SLC44A2: variants seen among roughly 807,000 people sequenced by gnomAD.
SLC44A2 encodes the protein choline transporter-like protein 2.
SLC44A2 carries 57 observed loss-of-function variants against 90.8 expected under a neutral mutation model. That is an observed-to-expected ratio of 0.63 (90% CI 0.51 to 0.78). The LOEUF (loss-of-function observed/expected upper bound fraction) is 0.78, where lower values mean the gene tolerates loss of function less well. Ranked by LOEUF, SLC44A2 falls within the 30% of genes least tolerant of loss-of-function variation. The probability of loss-of-function intolerance (pLI) is 0.00; values close to 1 mark genes in which losing one functional copy is unlikely to be tolerated. For missense variants in SLC44A2, 794 were observed against 919.7 expected (o/e 0.86, Z 1.77); for synonymous variants, 355 against 360.7 (o/e 0.98, Z 0.18).
intron 2 of SLC44A2, 27 bp from the exon 3 acceptor site, chr19:10,627,695 T>C (rs2066948372): frequency 1.9e-6 from 3 of 1,611,842 alleles, no homozygotes; most frequent in Non-Finnish European, 1.7e-6. Context: ...CCAAGCCTCC[T>C]CCAAACACTG....
At chr19:10,613,187 A>G (rs1364494885) in intron 1 of SLC44A2, among the ~76,000 whole-genome samples, 1 of 151,898 alleles carries the variant, frequency 6.6e-6, no homozygotes, top group Non-Finnish European at 1.5e-5. Flanking sequence ...CCTCCTGAGT[A>G]GCTGGGACCA....
rs894534178 is a variant in SLC44A2, at chr19:10,625,560, C to A, written c.-74C>A. 7 of 1,232,924 alleles carry A rather than the reference C, an allele frequency of 5.7e-6. No homozygotes were observed. The African/African-American group carries it at 9.3e-5, about 16-fold the overall frequency. 76.4% of individuals were successfully genotyped at this position (1,232,924 alleles called of 1,614,324 possible). A position where few individuals can be genotyped will look rare whatever the true frequency, so the allele number is the denominator to read the frequency against. On this transcript the variant is annotated 5_prime_UTR_variant, in exon 1 of 22. Transcript: ENST00000335757. Reference sequence around the variant, plus strand: ...GCCGCCAGTCGCGCGGTCAGTGCCTCCCTCCAGACTCGGGAGGGTCGAGGG... The same window carrying A: ...GCCGCCAGTCGCGCGGTCAGTGCCTACCTCCAGACTCGGGAGGGTCGAGGG...
rs777952556 is a variant in SLC44A2, at chr19:10,631,681, C to T, written c.558C>T (p.Gly186=). ...CCTACAAGGGTGTCCTGATGGTGGG[C>T]AATGAGACGACCTATGAGGATGGGC... ...IHAYKGVLMV[G]NETTYEDGHG... is the part of the protein sequence containing the mutation. Residue 186 remains glycine (G), a synonymous_variant, in exon 8 of 22, where the codon GGC becomes GGT. Transcript: ENST00000335757. 3.1e-6 allele frequency: 5 copies of T among 1,613,204 alleles called. No homozygotes were observed. Among genetic ancestry groups the T allele is most frequent in the East Asian group, 2.2e-5 (1 of 44,898 alleles).
At chr19:10,642,883 C>G in intron 21 of SLC44A2, 1 of 1,577,218 alleles carries the variant, frequency 6.3e-7, no homozygotes, top group Non-Finnish European at 8.5e-7. Flanking sequence ...TGCCGGTTCC[C>G]GGGGGGAGCC....
upstream of SLC44A2, among the ~76,000 whole-genome samples, chr19:10,621,792 G>A (rs969418387): frequency 2.6e-5 from 4 of 152,044 alleles, no homozygotes; most frequent in African/African-American, 7.2e-5. Flanking sequence ...GCTAATTTTT[G>A]TAGTAATAGA....
intron 20 of SLC44A2, chr19:10,641,467 C>T (rs1405666974): frequency 2.3e-6 from 1 of 430,846 alleles, no homozygotes; most frequent in Non-Finnish European, 4.5e-6. Context: ...GACTTGAGGA[C>T]TTGCTCTTTG....
chr19:10,642,901 G>A, intron 21 of SLC44A2: 1 of 1,590,178 alleles, frequency 6.3e-7, no homozygotes, highest in Non-Finnish European at 8.5e-7. Context: ...GCCCAGGTGA[G>A]GACCTGGAAA....
chr19:10,643,181 C>T (rs1334891384), intron 21 of SLC44A2, 98 bp from the exon 22 acceptor site: 13 of 1,489,768 alleles, frequency 8.7e-6, no homozygotes, highest in African/African-American at 1.4e-5. Context: ...TTCTAACCCT[C>T]TGAGGCTTCT....
intron 4 of SLC44A2, 101 bp downstream of exon 4, chr19:10,628,105 C>A: frequency 9.0e-7 from 1 of 1,110,942 alleles, no homozygotes; most frequent in Non-Finnish European, 1.3e-6. Context: ...TGCTTATAGG[C>A]TGGGCGCGGT....
In SLC44A2 at chr19:10,636,279, C is replaced by A. The variant is rs191383918; in HGVS notation, c.1234-44C>A. On this transcript the variant is annotated intron_variant, in intron 14 of 21. Transcript: ENST00000335757. ...TGATGCTCAGAGCCCACTGTGAACC[C>A]CTGGTGCCTCTTTTTGGACTCGGTT... 6.9e-4 allele frequency: 1,083 copies of A among 1,579,914 alleles called. 19 individuals are homozygous for A. In the Admixed American group the frequency reaches 0.018, roughly 26 times the overall value.
rs367831288 is a variant in SLC44A2 at position 10,635,044 on chromosome 19, C to T, written c.1026C>T (p.Ile342=). ...TCTTTCTCCGGAAGAGAATTCTCAT[C>T]GCGATTGCACTCATCAAAGAAGCCA... is the stretch of plus-strand genomic sequence containing the variant. ...LLIFLRKRIL[I]AIALIKEASR... is the part of the protein sequence containing the mutation. Residue 342 remains isoleucine (I), a synonymous_variant, in exon 12 of 22, where the codon ATC becomes ATT. Transcript: ENST00000335757. The T allele has an allele frequency of 2.0e-5, 33 of 1,614,020 alleles. No homozygotes were observed. Among genetic ancestry groups the T allele is most frequent in the Admixed American group, 1.0e-4 (6 of 59,980 alleles).
chr19:10,618,673 G>A lies in SLC44A2; in HGVS notation c.32-7580G>A, dbSNP rs1247519134. On this transcript the variant is annotated intron_variant, in intron 1 of 21. Coordinates refer to the SLC44A2 transcript ENST00000407327. ...TTTTTGTATTTTTAGTAGAGACGGG[G>A]TTTCACCGTGTTAGCCAGAATGGTC... Among the ~76,000 whole-genome samples, 10 of 151,842 alleles carry A rather than the reference G, an allele frequency of 6.6e-5. No homozygotes were observed. In the Admixed American group the frequency reaches 6.6e-4, roughly 10 times the overall value.
chr19:10,605,681 C>T (rs941093180), intron 1 of SLC44A2, among the ~76,000 whole-genome samples: 17 of 149,212 alleles, frequency 1.1e-4, no homozygotes, highest in African/African-American at 3.5e-4. Context: ...AGTGAGACTC[C>T]GTCTCAAAAA....
chr19:10,619,863 G>A (rs950332898), intron 1 of SLC44A2, among the ~76,000 whole-genome samples: 2 of 152,098 alleles, frequency 1.3e-5, no homozygotes, highest in Non-Finnish European at 2.9e-5. Context: ...GCTGAGGCAG[G>A]AGAATCGCTT....
At chr19:10,605,682 G>A (rs1312416566) in intron 1 of SLC44A2, among the ~76,000 whole-genome samples, 29 of 148,700 alleles carry the variant, frequency 2.0e-4, no homozygotes, top group Non-Finnish European at 3.7e-4. Context: ...GTGAGACTCC[G>A]TCTCAAAAAA....
At chr19:10,616,357 A>T (rs548962674) in intron 1 of SLC44A2, among the ~76,000 whole-genome samples, 1 of 152,000 alleles carries the variant, frequency 6.6e-6, no homozygotes, top group African/African-American at 2.4e-5. Context: ...CAGGCTCGCA[A>T]GTAGCTGGGA....
At chr19:10,603,179 G>A (rs929362053) in intron 1 of SLC44A2, among the ~76,000 whole-genome samples, 3 of 152,102 alleles carry the variant, frequency 2.0e-5, no homozygotes, top group Admixed American at 2.0e-4. Context: ...CTCCCATTTC[G>A]AGAGGTGCTG....
intron 17 of SLC44A2, 45 bp downstream of exon 17, chr19:10,637,792 G>A (rs767063025): frequency 3.1e-6 from 5 of 1,613,322 alleles, no homozygotes; most frequent in Non-Finnish European, 4.2e-6. Flanking sequence ...GCTCCTGCTG[G>A]GTGAGAGGAC....
intron 1 of SLC44A2, among the ~76,000 whole-genome samples, chr19:10,619,977 A>G (rs1341025362): frequency 6.6e-6 from 1 of 151,674 alleles, no homozygotes; most frequent in Non-Finnish European, 1.5e-5. Flanking sequence ...CAAATCTCCA[A>G]CCTGGGCAAC....
Sources: gnomAD v4.1 joint callset for allele counts (sites outside exome capture counted in the v4.1 genomes callset) on GRCh38, gnomAD v4.1.1 for gene constraint, MANE v1.5 for transcripts, NCBI Gene and HGNC (gene_info 2026-07-23, HGNC 2026-07-21) for gene names.